The following TMEM19 variants were observed in gnomAD, a reference collection of about 807,000 sequenced individuals.
TMEM19 encodes the protein transmembrane protein 19.
Under a neutral mutation model 33.6 loss-of-function variants are expected in TMEM19, and 21 were observed. The ratio of observed to expected loss-of-function variants is 0.62; its 90% CI spans 0.44 to 0.90. The LOEUF (loss-of-function observed/expected upper bound fraction) is 0.90, where lower values mean the gene tolerates loss of function less well. Among genes scored for constraint, TMEM19 ranks in the 40% least tolerant of loss-of-function variants. The probability of loss-of-function intolerance (pLI) is 0.00; values close to 1 mark genes in which losing one functional copy is unlikely to be tolerated. For missense variants in TMEM19, 402 were observed against 401.8 expected, an observed-to-expected ratio of 1.00 and a Z score of 0.00; for synonymous variants, 149 against 147.5, an observed-to-expected ratio of 1.01 and a Z score of -0.07.
Position 71,686,590 on chromosome 12 carries a change from C to G in TMEM19, c.-91C>G. 7.1e-7 allele frequency: 1 copy of G among 1,415,766 alleles called. No individual in the cohort carries two copies. The highest frequency in any genetic ancestry group is 1.2e-5 in the South Asian group (1 of 80,550). 87.7% of individuals were successfully genotyped at this position (1,415,766 alleles called of 1,614,324 possible). On this transcript the variant is annotated 5_prime_UTR_variant, in exon 1 of 6. Transcript: ENST00000266673. ...GGAATATGTTGGGATTTATGTTTGC[C>G]TCTGAACAAGTGTCTTGCTCACATC...
rs1390286184 is a variant in TMEM19 at position 71,699,036 on chromosome 12, TG to T, written c.775del (p.Ala259HisfsTer5). 1 of 1,614,110 alleles carries T rather than the reference TG, an allele frequency of 6.2e-7. No individual in the cohort carries two copies. The highest frequency in any genetic ancestry group is 1.3e-5 in the African/African-American group (1 of 74,920). Reference sequence around the variant, plus strand: ...TTTCTGCCCCGCAGTGGCCAATTATTGCATTTGGTGGTTTAGCTGGATTACT... The same window carrying T: ...TTTCTGCCCCGCAGTGGCCAATTATTCATTTGGTGGTTTAGCTGGATTACT... ...DISAPQWPII[A>X]FGGLAGLLGS... On this transcript the variant is annotated frameshift_variant, in exon 5 of 6. Transcript: ENST00000266673. LOFTEE classifies it high-confidence loss of function.
intron 2 of TMEM19, among the ~76,000 whole-genome samples, chr12:71,696,157 C>A (rs1232423490): frequency 6.6e-6 from 1 of 151,980 alleles, no homozygotes; most frequent in Non-Finnish European, 1.5e-5. Context: ...ATCTCTATTT[C>A]TAATTTTTTT....
rs1438698535 is a variant in TMEM19, at chr12:71,701,188, A to G, written c.*193A>G. 2.1e-6 allele frequency: 1 copy of G among 472,720 alleles called. No individual in the cohort carries two copies. The highest frequency in any genetic ancestry group is 2.0e-5 in the African/African-American group (1 of 50,518). 29.3% of individuals were successfully genotyped at this position (472,720 alleles called of 1,614,324 possible). A position where few individuals can be genotyped will look rare whatever the true frequency, so the allele number is the denominator to read the frequency against. ...GCTAGCGTCTTTCTAGTGAAAGAGA[A>G]GAATTCCTAGAACTTATGCATTTTT... On this transcript the variant is annotated 3_prime_UTR_variant, in exon 6 of 6. Transcript: ENST00000266673.
chr12:71,695,445 T>C (rs1437081991), intron 2 of TMEM19, among the ~76,000 whole-genome samples: 1 of 152,236 alleles, frequency 6.6e-6, no homozygotes, highest in Non-Finnish European at 1.5e-5. Flanking sequence ...ACTTTGACTT[T>C]CAGTTTGTAT....
chr12:71,697,084 A>G (rs1016235691), intron 3 of TMEM19, among the ~76,000 whole-genome samples, 196 bp from the exon 4 acceptor site: 3 of 152,236 alleles, frequency 2.0e-5, no homozygotes, highest in Admixed American at 1.3e-4. Flanking sequence ...TAGAAGCACT[A>G]GAGTCTATCA....
chr12:71,697,174 TG>T (rs760367677), intron 3 of TMEM19, 105 bp from the exon 4 acceptor site: 13 of 1,446,808 alleles, frequency 9.0e-6, no homozygotes, highest in South Asian at 7.1e-5. Context: ...TAAATTTTTT[TG>T]TTGTTTTTCT....
chr12:71,696,632 T>G (rs547842100), intron 3 of TMEM19, 59 bp downstream of exon 3: 57 of 1,370,940 alleles, frequency 4.2e-5, no homozygotes, highest in South Asian at 1.1e-4. Flanking sequence ...TAACATAAGG[T>G]TTTTTTTTGT....
chr12:71,695,180 A>G (rs534193396), intron 2 of TMEM19, among the ~76,000 whole-genome samples: 8 of 152,350 alleles, frequency 5.3e-5, no homozygotes, highest in African/African-American at 1.4e-4. Context: ...CAAAAGTTCC[A>G]AGCGATCTTT....
At position 71,697,268 on chromosome 12, in the gene TMEM19, G is replaced by GT; in HGVS notation, c.383-9dup. 1 of 1,575,334 alleles carries GT rather than the reference G, an allele frequency of 6.3e-7. No individual in the cohort carries two copies. Among genetic ancestry groups the GT allele is most frequent in the African/African-American group, 1.4e-5 (1 of 72,428 alleles). ...AATCATTTGTTTGTCCTTTTCATCTGTTTGTTTCCAGGTGGGCAAAGGAAT... is the reference window on the plus strand; with the variant it reads ...AATCATTTGTTTGTCCTTTTCATCTGTTTTGTTTCCAGGTGGGCAAAGGAAT... On this transcript the variant is annotated splice_polypyrimidine_tract_variant and intron_variant, in intron 3 of 5. Transcript: ENST00000266673.
chr12:71,700,373 C>T (rs1424582623), intron 5 of TMEM19, among the ~76,000 whole-genome samples: 1 of 152,152 alleles, frequency 6.6e-6, no homozygotes, highest in Non-Finnish European at 1.5e-5. Context: ...GTGCCAGCCC[C>T]ATGCTCAACC....
chr12:71,694,411 T>C (rs1881836282), intron 2 of TMEM19, among the ~76,000 whole-genome samples: 1 of 152,330 alleles, frequency 6.6e-6, no homozygotes, highest in Non-Finnish European at 1.5e-5. Flanking sequence ...TTTCAGTCTT[T>C]CTGAAGTAGA....
chr12:71,687,803 TCTC>T (rs750437656), intron 1 of TMEM19, among the ~76,000 whole-genome samples: 1 of 152,056 alleles, frequency 6.6e-6, no homozygotes, highest in Non-Finnish European at 1.5e-5. Flanking sequence ...CAAACTTCCT[TCTC>T]CTATGAAAAC....
intron 2 of TMEM19, among the ~76,000 whole-genome samples, chr12:71,694,521 C>G (rs1881838364): frequency 6.6e-6 from 1 of 152,172 alleles, no homozygotes; most frequent in Non-Finnish European, 1.5e-5. Context: ...CAGAATGCCA[C>G]TTCATTAATC....
chr12:71,701,270 T>C lies in TMEM19; in HGVS notation c.*275T>C, dbSNP rs1197525066. 1 of 235,710 alleles carries C rather than the reference T, an allele frequency of 4.2e-6. No individual in the cohort carries two copies. The highest frequency in any genetic ancestry group is 8.2e-5 in the East Asian group (1 of 12,194). 14.6% of individuals were successfully genotyped at this position (235,710 alleles called of 1,614,324 possible). A position where few individuals can be genotyped will look rare whatever the true frequency, so the allele number is the denominator to read the frequency against. Reference sequence around the variant, plus strand: ...GCTATATTGTCCCTACATATTACTATATATTGAACTGAAAGTTCTTACATA... The same window carrying C: ...GCTATATTGTCCCTACATATTACTACATATTGAACTGAAAGTTCTTACATA... On this transcript the variant is annotated 3_prime_UTR_variant, in exon 6 of 6. Transcript: ENST00000266673.
At chr12:71,688,193 T>C (rs1244238140) in intron 1 of TMEM19, among the ~76,000 whole-genome samples, 1 of 152,170 alleles carries the variant, frequency 6.6e-6, no homozygotes, top group Non-Finnish European at 1.5e-5. Context: ...AGAAATAGGA[T>C]ATTTCTCATC....
intron 3 of TMEM19, among the ~76,000 whole-genome samples, chr12:71,696,915 G>A (rs931809381): frequency 5.3e-5 from 8 of 152,140 alleles, no homozygotes; most frequent in African/African-American, 1.9e-4. Flanking sequence ...CCAAAGTGCT[G>A]GGATTACAAG....
intron 5 of TMEM19, chr12:71,699,534 C>G: frequency 4.7e-6 from 1 of 213,336 alleles, no homozygotes; most frequent in South Asian, 8.6e-5. Flanking sequence ...ATTCTTGCCC[C>G]TGAGTTTTTT....
Position 71,697,300 on chromosome 12 carries a change from C to T in TMEM19, c.403C>T (p.Gln135Ter). ...YKEGGQRNWV[Q>*]VFCNGAVPTE... ...TCCAGGTGGGCAAAGGAATTGGGTT[C>T]AGGTGTTCTGTAATGGAGCTGTACC... Residue 135 changes from glutamine (Q) to a stop codon, truncating the protein, a stop_gained, in exon 4 of 6, where the codon CAG (glutamine) becomes TAG (stop). Coordinates refer to ENST00000266673, the MANE Select transcript of TMEM19 (RefSeq NM_018279.4). LOFTEE classifies it high-confidence loss of function. 2 of 1,596,192 alleles carry T rather than the reference C, an allele frequency of 1.3e-6. No homozygotes were observed. The highest frequency in any genetic ancestry group is 1.7e-6 in the Non-Finnish European group (2 of 1,173,866).
chr12:71,696,555 G>A lies in TMEM19; in HGVS notation c.364G>A (p.Asp122Asn). The A allele has an allele frequency of 6.2e-7, 1 of 1,605,904 alleles. No homozygotes were observed. Among genetic ancestry groups the A allele is most frequent in the Non-Finnish European group, 8.5e-7 (1 of 1,176,578 alleles). The change falls in exon 3 of 6, where the codon GAT (aspartate) becomes AAT (asparagine). Residue 122 changes from aspartate to asparagine, a missense_variant. Asp to Asn is a conservative substitution (Grantham distance 23). Coordinates refer to ENST00000266673, the MANE Select transcript of TMEM19 (RefSeq NM_018279.4). ...KWKGEVKKRL[D>N]SEYKEGGQRN... ...GAAGGGAGAAGTGAAGAAGCGTCTA[G>A]ATTCAGAATATAAGGAAGGTAAAAT...
Sources: gnomAD v4.1 joint callset for allele counts (sites outside exome capture counted in the v4.1 genomes callset) on GRCh38, gnomAD v4.1.1 for gene constraint, MANE v1.5 for transcripts, NCBI Gene and HGNC (gene_info 2026-07-23, HGNC 2026-07-21) for gene names.